SI: variants seen among roughly 807,000 people sequenced by gnomAD.
SI encodes the protein sucrase-isomaltase, intestinal.
SI carries 235 observed loss-of-function variants against 253.3 expected under a neutral mutation model. The observed-to-expected ratio is 0.93, with a 90% CI of 0.83 to 1.03. SI has a LOEUF of 1.03. Ranked by LOEUF, SI falls within the 50% of genes least tolerant of loss-of-function variation. SI has a pLI of 0.00. For missense variants in SI, 2,442 were observed against 2,211.1 expected, an observed-to-expected ratio of 1.10 and a Z score of -2.09; for synonymous variants, 819 against 712.0, an observed-to-expected ratio of 1.15 and a Z score of -2.39.
chr3:165,001,811 A>T (rs1377202980), intron 37 of SI, among the ~76,000 whole-genome samples: 1 of 151,058 alleles, frequency 6.6e-6, no homozygotes. Context: ...TTTGTTTATT[A>T]AAAAAAATAT....
the SI span, among the ~76,000 whole-genome samples, chr3:165,085,409 T>G: frequency 2.0e-5 from 3 of 152,160 alleles, no homozygotes; most frequent in African/African-American, 7.2e-5. Flanking sequence ...AACTCCTTTT[T>G]GTATTCATCC....
chr3:164,985,290 A>G (rs1717384871), intron 45 of SI, among the ~76,000 whole-genome samples: 1 of 152,146 alleles, frequency 6.6e-6, no homozygotes, highest in Non-Finnish European at 1.5e-5. Context: ...CAAGTTGCAT[A>G]CTTAAACTTT....
intron 44 of SI, among the ~76,000 whole-genome samples, chr3:164,989,433 A>AAAGAAAGAAAGAAAGAAAGAAAGG (rs1553768937): frequency 3.8e-5 from 5 of 132,782 alleles, no homozygotes; most frequent in African/African-American, 1.4e-4. Flanking sequence ...AGAAAGAAAG[A>AAAGAAAGAAAGAAAGAAAGAAAGG]AAGGAAAGAA....
chr3:165,065,234 T>C (rs573084545), intron 7 of SI, 27 bp downstream of exon 7: 1 of 1,483,946 alleles, frequency 6.7e-7, no homozygotes, highest in Non-Finnish European at 9.4e-7. Context: ...AGTGATTTTA[T>C]TTATAACAAG....
rs748153693 is a variant in SI at position 164,991,409 on chromosome 3, A to T, written c.5052T>A (p.His1684Gln). Residue 1684 changes from histidine (H) to glutamine (Q), a missense_variant, in exon 44 of 48, where the codon CAT (histidine) becomes CAA (glutamine). His to Gln is a conservative substitution (Grantham distance 24, BLOSUM62 0). Coordinates refer to ENST00000264382, the MANE Select transcript of SI (RefSeq NM_001041.4). Reference protein sequence around the residue: ...FNASYDTINLHVRGGHILPCQ... With the variant: ...FNASYDTINLQVRGGHILPCQ... ...ATGGTAGGATGTGACCACCACGGAC[A>T]TGTAGGTTTATTGTGTCATAAGAAG... 2.5e-6 allele frequency: 4 copies of T among 1,613,624 alleles called. No homozygotes were observed. Among genetic ancestry groups the T allele is most frequent in the Middle Eastern group, 3.3e-4 (2 of 6,058 alleles).
intron 3 of SI, among the ~76,000 whole-genome samples, chr3:165,073,275 C>T (rs1714716939): frequency 6.6e-6 from 1 of 151,662 alleles, no homozygotes; most frequent in African/African-American, 2.4e-5. Flanking sequence ...CTCGCTCTGT[C>T]ACCCAGGCTG....
At chr3:165,054,095 A>T (rs1448048008) in intron 13 of SI, among the ~76,000 whole-genome samples, 2 of 152,150 alleles carry the variant, frequency 1.3e-5, no homozygotes, top group African/African-American at 4.8e-5. Context: ...CATGTCTGAT[A>T]GATACATGGT....
chr3:165,048,586 G>T (rs113230187), intron 15 of SI, among the ~76,000 whole-genome samples: 9,445 of 78,576 alleles, frequency 0.12, 425 homozygotes, highest in Admixed American at 0.19. Context: ...TATATATATA[G>T]AGAGAGAGAG....
intron 47 of SI, among the ~76,000 whole-genome samples, chr3:164,979,660 CAAAAGATACTGA>C (rs1466715908): frequency 6.6e-6 from 1 of 151,606 alleles, no homozygotes. Flanking sequence ...AAGTTGCTGT[CAAAAGATACTGA>C]AAAACCCAAA....
Position 165,032,659 on chromosome 3 carries a change from A to G in SI, c.2599T>C (p.Tyr867His), listed in dbSNP as rs140230726. 1.1e-4 allele frequency: 183 copies of G among 1,606,850 alleles called. No individual in the cohort carries two copies. The highest frequency in any genetic ancestry group is 2.4e-4 in the African/African-American group (18 of 74,718). ...AATGCTAAGGTAGTTCCTTCCTGAT[A>G]TGATGAATGTGTGCACACAATATCT... ...TLDIVCTHSS[Y>H]QEGTTLAFQT... is the part of the protein sequence containing the mutation. Residue 867 changes from tyrosine (Y) to histidine (H), a missense_variant, in exon 24 of 48, where the codon TAT becomes CAT. Physicochemically the swap from Tyr to His is moderately conservative, Grantham distance 83. Coordinates refer to ENST00000264382, the MANE Select transcript of SI (RefSeq NM_001041.4).
At position 165,000,283 on chromosome 3, in the gene SI, T is replaced by C. The variant is rs569568781; in HGVS notation, c.4407-1610A>G. The stretch of plus-strand genomic sequence containing the variant: ...CTTCTTTACTGATACTTTAAATTAA[T>C]AGCTGAATATATGCTTATCAGGTTG... On this transcript the variant is annotated intron_variant, in intron 37 of 47. Coordinates refer to ENST00000264382, the MANE Select transcript of SI (RefSeq NM_001041.4). Among the ~76,000 whole-genome samples, 23 of 151,484 alleles carry C rather than the reference T, an allele frequency of 1.5e-4. No individual in the cohort carries two copies. The South Asian group carries it at 4.8e-3, about 31-fold the overall frequency.
chr3:165,029,796 G>GTA (rs1236078861), intron 25 of SI, among the ~76,000 whole-genome samples: 1 of 150,268 alleles, frequency 6.7e-6, no homozygotes, highest in African/African-American at 2.4e-5. Context: ...GAATGGATGT[G>GTA]TATTTGGCTG....
intron 6 of SI, among the ~76,000 whole-genome samples, chr3:165,066,930 A>T (rs577132765): frequency 6.6e-6 from 1 of 152,030 alleles, no homozygotes; most frequent in African/African-American, 2.4e-5. Flanking sequence ...TCTATATTGG[A>T]TTCTACATAT....
the SI span, among the ~76,000 whole-genome samples, chr3:165,084,282 G>A: frequency 1.3e-5 from 2 of 151,892 alleles, no homozygotes; most frequent in Non-Finnish European, 2.9e-5. Flanking sequence ...CCATGATTGT[G>A]GGAATTAAAT....
chr3:165,087,045 G>A, the SI span, among the ~76,000 whole-genome samples: 1 of 152,120 alleles, frequency 6.6e-6, no homozygotes, highest in Admixed American at 6.6e-5. Flanking sequence ...AAGGCCTTAG[G>A]ATGCTGGGAA....
chr3:165,082,802 CCAGT>C (rs1337561710), upstream of SI, among the ~76,000 whole-genome samples: 1 of 151,932 alleles, frequency 6.6e-6, no homozygotes, highest in African/African-American at 2.4e-5. Flanking sequence ...TCAAAGCTCA[CCAGT>C]CAAAGTCTAT....
chr3:165,025,700 A>G (rs1025448071), intron 25 of SI, among the ~76,000 whole-genome samples: 8 of 151,364 alleles, frequency 5.3e-5, no homozygotes, highest in Admixed American at 2.0e-4. Context: ...CCTTAAACAA[A>G]ACAATTATCA....
At chr3:165,087,713 G>T in the SI span, among the ~76,000 whole-genome samples, 1 of 152,074 alleles carries the variant, frequency 6.6e-6, no homozygotes, top group African/African-American at 2.4e-5. Context: ...TCCTACAAAA[G>T]ATATCCCAGT....
At chr3:164,994,882 G>A (rs1717939287) in intron 40 of SI, among the ~76,000 whole-genome samples, 1 of 151,706 alleles carries the variant, frequency 6.6e-6, no homozygotes, top group Non-Finnish European at 1.5e-5. Flanking sequence ...AGTACAGATA[G>A]AAGGGAAGGC....
Sources: gnomAD v4.1 joint callset for allele counts (sites outside exome capture counted in the v4.1 genomes callset) on GRCh38, gnomAD v4.1.1 for gene constraint, MANE v1.5 for transcripts, NCBI Gene and HGNC (gene_info 2026-07-23, HGNC 2026-07-21) for gene names.